SPOCK1: variants seen among roughly 807,000 people sequenced by gnomAD.
SPOCK1 encodes testican-1.
In SPOCK1, 23 loss-of-function variants were observed where a neutral mutation model predicts 55.3. The observed-to-expected ratio is 0.42, with a 90% CI of 0.30 to 0.59. SPOCK1 has a LOEUF of 0.59. Among genes scored for constraint, SPOCK1 ranks in the 20% least tolerant of loss-of-function variants. The pLI is 0.22. For missense variants in SPOCK1, 499 were observed against 552.5 expected (o/e 0.90, Z 0.97); for synonymous variants, 226 against 221.0 (o/e 1.02, Z -0.20).
chr5:137,229,240 AT>A (rs1286975852), intron 3 of SPOCK1, among the ~76,000 whole-genome samples: 4 of 152,242 alleles, frequency 2.6e-5, no homozygotes, highest in African/African-American at 9.6e-5. Flanking sequence ...AAAAAAGAAA[AT>A]AATGTATATT....
intron 6 of SPOCK1, among the ~76,000 whole-genome samples, chr5:137,001,184 C>G (rs1255615437): frequency 1.3e-5 from 2 of 152,086 alleles, no homozygotes; most frequent in Non-Finnish European, 2.9e-5. Context: ...GAGAATGAAA[C>G]TATAATAGAA....
chr5:137,133,105 C>A (rs979586983), intron 4 of SPOCK1, among the ~76,000 whole-genome samples: 1 of 152,138 alleles, frequency 6.6e-6, no homozygotes, highest in African/African-American at 2.4e-5. Flanking sequence ...TGTGGTGGCT[C>A]ACACTTGTAA....
At chr5:137,233,869 T>A (rs1197095961) in intron 3 of SPOCK1, among the ~76,000 whole-genome samples, 1 of 152,136 alleles carries the variant, frequency 6.6e-6, no homozygotes, top group African/African-American at 2.4e-5. Flanking sequence ...ACAGCTTTAT[T>A]TCTTCCAGTG....
At chr5:137,301,108 T>C (rs762127673) in intron 2 of SPOCK1, among the ~76,000 whole-genome samples, 6 of 152,332 alleles carry the variant, frequency 3.9e-5, no homozygotes, top group Admixed American at 6.5e-5. Context: ...AGTCTCTTTG[T>C]CTATGCCTCC....
chr5:137,080,006 T>C (rs1752855578), intron 5 of SPOCK1, among the ~76,000 whole-genome samples: 1 of 152,228 alleles, frequency 6.6e-6, no homozygotes, highest in Non-Finnish European at 1.5e-5. Flanking sequence ...TTCTTCATAA[T>C]ACAGATACGA....
intron 9 of SPOCK1, among the ~76,000 whole-genome samples, chr5:136,980,191 A>G: frequency 6.6e-6 from 1 of 152,180 alleles, no homozygotes; most frequent in Non-Finnish European, 1.5e-5. Flanking sequence ...CAAAAAAAAA[A>G]AAAAAAAGTG....
intron 2 of SPOCK1, among the ~76,000 whole-genome samples, chr5:137,416,870 T>C (rs1752346454): frequency 6.6e-6 from 1 of 152,192 alleles, no homozygotes; most frequent in Non-Finnish European, 1.5e-5. Context: ...TGAACATTTT[T>C]ATGTGCCCAC....
intron 3 of SPOCK1, among the ~76,000 whole-genome samples, chr5:137,229,640 C>T (rs1200257325): frequency 6.6e-6 from 1 of 152,182 alleles, no homozygotes; most frequent in Non-Finnish European, 1.5e-5. Context: ...AGCCTTGTCA[C>T]TGTGCTGTAG....
intron 6 of SPOCK1, among the ~76,000 whole-genome samples, chr5:137,022,361 C>T (rs1290065561): frequency 6.6e-6 from 1 of 152,162 alleles, no homozygotes; most frequent in Non-Finnish European, 1.5e-5. Flanking sequence ...CAGTCCCAGG[C>T]ACTATCTGCC....
rs1750657418 is a variant in SPOCK1 at position 136,978,399 on chromosome 5, T to G, written c.*255A>C. 5.1e-6 allele frequency: 2 copies of G among 394,238 alleles called. No homozygotes were observed. Among genetic ancestry groups the G allele is most frequent in the East Asian group, 7.7e-5 (2 of 26,104 alleles). The allele number at this position is 394,238 out of a possible 1,614,324, so 24.4% of individuals were successfully genotyped here. ...AAAATCTCACAGAAAGGAAGGAGGC[T>G]CTAATTAAGCCAATGACTTCCCTAT... On this transcript the variant is annotated 3_prime_UTR_variant, in exon 11 of 11. Transcript: ENST00000394945.
At chr5:137,196,192 C>T (rs943238525) in intron 3 of SPOCK1, among the ~76,000 whole-genome samples, 1 of 152,164 alleles carries the variant, frequency 6.6e-6, no homozygotes, top group African/African-American at 2.4e-5. Flanking sequence ...TCTCCAGCAC[C>T]AGCTCCTTTC....
chr5:137,355,685 G>A (rs1750776231), intron 2 of SPOCK1, among the ~76,000 whole-genome samples: 1 of 152,066 alleles, frequency 6.6e-6, no homozygotes, highest in Non-Finnish European at 1.5e-5. Flanking sequence ...CACTCAGTTT[G>A]CATCAAGGAC....
At chr5:137,031,176 A>G (rs1364034810) in intron 6 of SPOCK1, among the ~76,000 whole-genome samples, 1 of 152,184 alleles carries the variant, frequency 6.6e-6, no homozygotes, top group African/African-American at 2.4e-5. Flanking sequence ...TATTCCCCAC[A>G]TTATCCCTGA....
At chr5:137,373,213 A>G (rs1285644674) in intron 2 of SPOCK1, among the ~76,000 whole-genome samples, 2 of 152,202 alleles carry the variant, frequency 1.3e-5, no homozygotes, top group Admixed American at 6.5e-5. Flanking sequence ...ACATACTAAG[A>G]CAGGCCTAAT....
chr5:137,458,158 G>A (rs528928963), intron 2 of SPOCK1, among the ~76,000 whole-genome samples: 1 of 152,298 alleles, frequency 6.6e-6, no homozygotes, highest in Admixed American at 6.5e-5. Context: ...ACGACCTGGT[G>A]AAGAACCCAC....
At chr5:137,350,753 GT>G (rs755662195) in intron 2 of SPOCK1, among the ~76,000 whole-genome samples, 78 of 152,226 alleles carry the variant, frequency 5.1e-4, no homozygotes, top group Middle Eastern at 3.4e-3. Flanking sequence ...AAATGAAAGT[GT>G]GGGAGCCCTT....
intron 4 of SPOCK1, among the ~76,000 whole-genome samples, chr5:137,127,922 AGT>A (rs1360751168): frequency 6.6e-6 from 1 of 152,224 alleles, no homozygotes; most frequent in African/African-American, 2.4e-5. Context: ...AGATAGAATG[AGT>A]GTATTTTGCA....
At chr5:137,398,842 A>C (rs992647179) in intron 2 of SPOCK1, among the ~76,000 whole-genome samples, 1 of 152,214 alleles carries the variant, frequency 6.6e-6, no homozygotes, top group African/African-American at 2.4e-5. Flanking sequence ...TGCCAAATGC[A>C]CCAGCCTACC....
At position 137,419,966 on chromosome 5, in the gene SPOCK1, G is replaced by A. The variant is rs141936604; in HGVS notation, c.186+78407C>T. Among the ~76,000 whole-genome samples, 413 of 152,192 alleles carry A rather than the reference G, an allele frequency of 2.7e-3. 8 individuals carry two copies. The East Asian group carries it at 0.049, about 18-fold the overall frequency. ...TCATAGATAGCTCTTACTGAGATAC[G>A]TCCCATCAATACCAAATTTATTAAG... On this transcript the variant is annotated intron_variant, in intron 2 of 10. Transcript: ENST00000394945.
Sources: gnomAD v4.1 joint callset for allele counts (sites outside exome capture counted in the v4.1 genomes callset) on GRCh38, gnomAD v4.1.1 for gene constraint, MANE v1.5 for transcripts, NCBI Gene and HGNC (gene_info 2026-07-23, HGNC 2026-07-21) for gene names.